The following MACROD2 variants were observed in gnomAD, a reference collection of about 807,000 sequenced individuals.
The protein encoded by MACROD2 is mono-ADP ribosylhydrolase 2.
MACROD2 carries 36 observed loss-of-function variants against 70.4 expected under a neutral mutation model. The ratio of observed to expected loss-of-function variants is 0.51; its 90% CI spans 0.39 to 0.68. MACROD2 has a LOEUF of 0.68. MACROD2 is among the 30% of genes least tolerant of loss of function. The probability of loss-of-function intolerance (pLI) is 0.00; values close to 1 mark genes in which losing one functional copy is unlikely to be tolerated. For synonymous variants in MACROD2, 172 were observed against 178.8 expected (o/e 0.96, Z 0.30); for missense variants, 496 against 538.4 (o/e 0.92, Z 0.78).
intron 3 of MACROD2, among the ~76,000 whole-genome samples, chr20:14,430,453 C>T (rs2083982710): frequency 6.6e-6 from 1 of 151,942 alleles, no homozygotes; most frequent in South Asian, 2.1e-4. Flanking sequence ...CTACATTTAG[C>T]AATCGGTTTG....
chr20:15,879,578 T>C (rs1234087193), intron 9 of MACROD2, among the ~76,000 whole-genome samples: 2 of 152,174 alleles, frequency 1.3e-5, no homozygotes, highest in African/African-American at 2.4e-5. Context: ...TAAAAAGTTA[T>C]CTTTCAAAAG....
At chr20:14,553,838 A>G (rs144808273) in intron 4 of MACROD2, among the ~76,000 whole-genome samples, 2,867 of 152,296 alleles carry the variant, frequency 0.019, 40 homozygotes, top group Non-Finnish European at 0.027. Flanking sequence ...GTAAGAAATC[A>G]GGGAACTTTC....
intron 3 of MACROD2, chr20:14,325,840 C>T (rs1568557316): frequency 1.2e-6 from 2 of 1,613,902 alleles, no homozygotes; most frequent in Non-Finnish European, 1.7e-6. Context: ...GAAGAGCGAT[C>T]CATTCCTATG....
chr20:15,837,145 GA>G lies in MACROD2; in HGVS notation c.646-25592del, dbSNP rs377520157. ...GGCTGTACCATGAAGGATAGTAGAC[GA>G]AAAAAAAGATATTAAAGGAAGCCCC... On this transcript the variant is annotated intron_variant, in intron 8 of 17. Coordinates refer to ENST00000684519, the MANE Select transcript of MACROD2 (RefSeq NM_001351661.2). 2.3e-4 allele frequency among the ~76,000 whole-genome samples: 35 copies of G among 151,578 alleles called. 2 individuals carry two copies. Among genetic ancestry groups the G allele is most frequent in the South Asian group, 4.2e-4 (2 of 4,796 alleles).
chr20:14,140,017 T>G (rs1020645816), intron 3 of MACROD2, among the ~76,000 whole-genome samples: 3 of 152,190 alleles, frequency 2.0e-5, no homozygotes, highest in African/African-American at 7.2e-5. Flanking sequence ...GATATCTCAT[T>G]TTATATATAT....
chr20:14,811,079 A>G (rs1233817009), intron 5 of MACROD2, among the ~76,000 whole-genome samples: 1 of 152,084 alleles, frequency 6.6e-6, no homozygotes. Flanking sequence ...ACAGAATTAG[A>G]AAAACTACTT....
At chr20:14,406,802 G>T (rs2083695455) in intron 3 of MACROD2, among the ~76,000 whole-genome samples, 1 of 152,102 alleles carries the variant, frequency 6.6e-6, no homozygotes, top group Admixed American at 6.6e-5. Flanking sequence ...AAATACTTCA[G>T]CATATCACAT....
chr20:14,459,202 C>A (rs561495112), intron 3 of MACROD2, among the ~76,000 whole-genome samples: 95 of 151,804 alleles, frequency 6.3e-4, no homozygotes, highest in Non-Finnish European at 1.2e-3. Context: ...AAAATATATT[C>A]GTTTGATGTG....
intron 2 of MACROD2, among the ~76,000 whole-genome samples, chr20:14,024,582 G>A (rs1267493908): frequency 6.6e-6 from 1 of 152,132 alleles, no homozygotes; most frequent in African/African-American, 2.4e-5. Flanking sequence ...CTTATTGAGA[G>A]TTTTTAGCAT....
At position 14,444,306 on chromosome 20, in the gene MACROD2, G is replaced by A. The variant is rs143718812; in HGVS notation, c.272-49173G>A. On this transcript the variant is annotated intron_variant, in intron 3 of 17. Coordinates refer to ENST00000684519, the MANE Select transcript of MACROD2 (RefSeq NM_001351661.2). ...ATCCTTCAAATTGCTCAATTGAGTG[G>A]TTACTTCTGAGTCCTCATTTTGTGT... Among the ~76,000 whole-genome samples, 574 of 152,188 alleles carry A rather than the reference G, an allele frequency of 3.8e-3. 6 individuals are homozygous for A. Among genetic ancestry groups the A allele is most frequent in the African/African-American group, 0.013 (529 of 41,460 alleles).
chr20:15,485,248 A>C (rs896129663), intron 7 of MACROD2, among the ~76,000 whole-genome samples: 1 of 152,144 alleles, frequency 6.6e-6, no homozygotes, highest in African/African-American at 2.4e-5. Flanking sequence ...TCACATGTTC[A>C]TAAGTGAAAT....
chr20:15,050,533 CTTTTTTTTT>C (rs386393390), intron 5 of MACROD2, among the ~76,000 whole-genome samples: 18,707 of 77,892 alleles, frequency 0.24, 1,498 homozygotes, highest in South Asian at 0.43. Flanking sequence ...CTATTTAGGT[CTTTTTTTTT>C]TTTTTTTTTT....
chr20:15,300,246 C>T lies in MACROD2; in HGVS notation c.540+70185C>T, dbSNP rs1451263018. Among the ~76,000 whole-genome samples, 4 of 152,226 alleles carry T rather than the reference C, an allele frequency of 2.6e-5. No homozygotes were observed. The East Asian group carries it at 5.8e-4, about 22-fold the overall frequency. ...CTAAAGCCTCCACGTATTTGTAATT[C>T]ATATTTAGGCCTTGCAAAGATGCTC... On this transcript the variant is annotated intron_variant, in intron 6 of 17. Coordinates refer to ENST00000684519, the MANE Select transcript of MACROD2 (RefSeq NM_001351661.2).
intron 8 of MACROD2, among the ~76,000 whole-genome samples, chr20:15,805,589 G>A (rs963504102): frequency 6.6e-6 from 1 of 151,678 alleles, no homozygotes; most frequent in Non-Finnish European, 1.5e-5. Context: ...TGATTCTCCT[G>A]CCTCAGCCTC....
At chr20:15,737,689 A>G (rs2051043431) in intron 8 of MACROD2, among the ~76,000 whole-genome samples, 1 of 152,234 alleles carries the variant, frequency 6.6e-6, no homozygotes, top group African/African-American at 2.4e-5. Context: ...AATCATTCAC[A>G]AATATTGAGA....
chr20:15,934,067 G>A (rs1568651334), intron 11 of MACROD2, among the ~76,000 whole-genome samples: 1 of 151,944 alleles, frequency 6.6e-6, no homozygotes. Context: ...AGAATGATAG[G>A]CACAATCATT....
In MACROD2 at chr20:14,826,623, C is replaced by T. The variant is rs936819287; in HGVS notation, c.418+141664C>T. ...CACTCAATGCGTGTCTCTCCAAAGG[C>T]TTCGTTCAGGGACAAAACATTCAAC... is the stretch of plus-strand genomic sequence containing the variant. On this transcript the variant is annotated intron_variant, in intron 5 of 17. Transcript: ENST00000684519. Among the ~76,000 whole-genome samples the T allele has an allele frequency of 4.6e-5, 7 of 152,160 alleles. No homozygotes were observed. The East Asian group carries it at 1.4e-3, about 29-fold the overall frequency.
At chr20:15,699,803 T>G (rs114096157) in intron 8 of MACROD2, among the ~76,000 whole-genome samples, 2,751 of 152,254 alleles carry the variant, frequency 0.018, 90 homozygotes, top group African/African-American at 0.064. Context: ...GTTACAAAGT[T>G]CGACTAGAGA....
intron 5 of MACROD2, among the ~76,000 whole-genome samples, chr20:15,217,717 C>T (rs557322720): frequency 4.3e-4 from 66 of 152,250 alleles, no homozygotes; most frequent in African/African-American, 1.5e-3. Flanking sequence ...AATTGACCTG[C>T]ATGACAACAG....
Sources: allele counts gnomAD v4.1 joint callset (sites outside exome capture counted in the v4.1 genomes callset), GRCh38; gene constraint gnomAD v4.1.1; transcripts MANE v1.5; gene names NCBI Gene and HGNC (gene_info 2026-07-23, HGNC 2026-07-21).